The following CD2AP variants were observed in gnomAD, a reference collection of about 807,000 sequenced individuals.
CD2AP encodes CD2 associated protein.
A neutral mutation model predicts 85.1 loss-of-function variants in CD2AP; 46 were observed. The observed-to-expected ratio is 0.54, with a 90% confidence interval of 0.43 to 0.69. CD2AP has a LOEUF of 0.69. CD2AP is among the 30% of genes least tolerant of loss of function. The probability of loss-of-function intolerance (pLI) is 0.00; values close to 1 mark genes in which losing one functional copy is unlikely to be tolerated. For missense variants in CD2AP, 769 were observed against 729.5 expected (o/e 1.05, Z -0.62); for synonymous variants, 255 against 252.9 (o/e 1.01, Z -0.08).
At chr6:47,518,895 C>T (rs1766515317) in intron 2 of CD2AP, among the ~76,000 whole-genome samples, 1 of 151,626 alleles carries the variant, frequency 6.6e-6, no homozygotes, top group South Asian at 2.1e-4. Context: ...CAGGTAGCCT[C>T]TGTTGTGGTA....
intron 1 of CD2AP, among the ~76,000 whole-genome samples, chr6:47,501,640 G>C (rs1208111451): frequency 6.6e-6 from 1 of 151,786 alleles, no homozygotes; most frequent in Admixed American, 6.6e-5. Context: ...TGGTGGTGGT[G>C]GTTGTGATTG....
intron 12 of CD2AP, among the ~76,000 whole-genome samples, chr6:47,597,606 C>A (rs1562050068): frequency 6.6e-6 from 1 of 150,796 alleles, no homozygotes; most frequent in Non-Finnish European, 1.5e-5. Context: ...GTGCCAGGAA[C>A]TTGACTTGAG....
At chr6:47,536,680 G>C (rs1184174692) in intron 3 of CD2AP, among the ~76,000 whole-genome samples, 4 of 152,036 alleles carry the variant, frequency 2.6e-5, no homozygotes, top group Non-Finnish European at 5.9e-5. Context: ...ATTTTTTTTA[G>C]AGCAAACATG....
chr6:47,577,327 T>G (rs527955338), intron 8 of CD2AP, among the ~76,000 whole-genome samples: 1 of 152,284 alleles, frequency 6.6e-6, no homozygotes, highest in East Asian at 1.9e-4. Flanking sequence ...ATTTACATAT[T>G]GGGAATTATT....
chr6:47,505,725 T>C (rs1766136159), intron 2 of CD2AP, among the ~76,000 whole-genome samples: 3 of 56,888 alleles, frequency 5.3e-5, no homozygotes, highest in Non-Finnish European at 1.2e-4. Context: ...GCTGAGGGGC[T>C]CCTCACTTCC....
At chr6:47,574,272 A>C in intron 6 of CD2AP, 21 bp downstream of exon 6, 1 of 1,592,202 alleles carries the variant, frequency 6.3e-7, no homozygotes, top group South Asian at 1.1e-5. Flanking sequence ...TGGACTTGTT[A>C]GATTAACTCC....
intron 5 of CD2AP, among the ~76,000 whole-genome samples, chr6:47,571,412 A>G (rs1768149111): frequency 6.6e-6 from 1 of 152,196 alleles, no homozygotes; most frequent in South Asian, 2.1e-4. Context: ...GGAGAGCTCT[A>G]CCATTGTCCT....
intron 13 of CD2AP, among the ~76,000 whole-genome samples, chr6:47,605,300 C>A (rs534185876): frequency 1.3e-5 from 2 of 151,984 alleles, no homozygotes; most frequent in South Asian, 4.1e-4. Context: ...CTTTTGGGTT[C>A]TTGATTCATA....
intron 10 of CD2AP, 130 bp from the exon 11 acceptor site, chr6:47,581,873 A>G (rs538662239): frequency 4.5e-6 from 3 of 671,324 alleles, no homozygotes; most frequent in Non-Finnish European, 8.2e-6. Context: ...ATTCCGGTAC[A>G]TTGTTCTTTC....
intron 1 of CD2AP, among the ~76,000 whole-genome samples, chr6:47,500,737 AT>A (rs756083477): frequency 4.1e-5 from 6 of 147,130 alleles, no homozygotes; most frequent in Non-Finnish European, 8.9e-5. Flanking sequence ...GCAGGAGGCC[AT>A]TCCTTCCTTG....
At chr6:47,598,035 C>T (rs1411170575) in intron 12 of CD2AP, among the ~76,000 whole-genome samples, 2 of 150,886 alleles carry the variant, frequency 1.3e-5, no homozygotes, top group East Asian at 3.9e-4. Context: ...TTTAAAACAT[C>T]ACCAATAAAC....
intron 3 of CD2AP, among the ~76,000 whole-genome samples, 192 bp downstream of exon 3, chr6:47,533,947 C>G (rs1412705804): frequency 1.3e-5 from 2 of 152,170 alleles, no homozygotes; most frequent in East Asian, 3.8e-4. Context: ...AATAACAAAT[C>G]AATATCATTA....
At chr6:47,605,776 C>G (rs1329693216) in intron 13 of CD2AP, among the ~76,000 whole-genome samples, 1 of 151,894 alleles carries the variant, frequency 6.6e-6, no homozygotes, top group Non-Finnish European at 1.5e-5. Flanking sequence ...TGCTGATTTT[C>G]CGAGATCTTT....
At chr6:47,589,434 A>G (rs1015366445) in intron 11 of CD2AP, among the ~76,000 whole-genome samples, 3 of 151,346 alleles carry the variant, frequency 2.0e-5, no homozygotes, top group African/African-American at 7.3e-5. Flanking sequence ...AAATATACAC[A>G]CATACACACA....
chr6:47,503,664 A>G (rs1766056941), intron 2 of CD2AP, among the ~76,000 whole-genome samples: 2 of 152,148 alleles, frequency 1.3e-5, no homozygotes, highest in South Asian at 2.1e-4. Flanking sequence ...ATGCTTGTAT[A>G]TGGTTGTGTG....
At chr6:47,599,104 A>G (rs1769032945) in intron 12 of CD2AP, among the ~76,000 whole-genome samples, 197 bp from the exon 13 acceptor site, 1 of 139,468 alleles carries the variant, frequency 7.2e-6, no homozygotes, top group Non-Finnish European at 1.7e-5. Context: ...AATTTTCTAC[A>G]CTTAACTAAA....
chr6:47,545,535 G>A (rs887155500), intron 4 of CD2AP, among the ~76,000 whole-genome samples: 1 of 152,124 alleles, frequency 6.6e-6, no homozygotes, highest in African/African-American at 2.4e-5. Flanking sequence ...CTCCCAGCAG[G>A]AGACCAACCA....
chr6:47,544,849 C>A, intron 4 of CD2AP, 143 bp downstream of exon 4: 1 of 630,624 alleles, frequency 1.6e-6, no homozygotes, highest in Non-Finnish European at 2.8e-6. Flanking sequence ...CTTTACTCAT[C>A]CTTGCTGTAT....
Position 47,576,608 on chromosome 6 carries a change from T to C in CD2AP, c.808+6T>C, listed in dbSNP as rs760653572. ...TACCGAAGGTAAAATTAAAGGTATG[T>C]TTTTGAATAAAGCTTTCATATTGGG... On this transcript the variant is annotated splice_donor_region_variant and intron_variant, in intron 7 of 17. Coordinates refer to ENST00000359314, the MANE Select transcript of CD2AP (RefSeq NM_012120.3). 1.9e-6 allele frequency: 3 copies of C among 1,583,306 alleles called. No homozygotes were observed. Among genetic ancestry groups the C allele is most frequent in the Non-Finnish European group, 2.6e-6 (3 of 1,152,792 alleles).
Sources: gnomAD v4.1 joint callset for allele counts (sites outside exome capture counted in the v4.1 genomes callset) on GRCh38, gnomAD v4.1.1 for gene constraint, MANE v1.5 for transcripts, NCBI Gene and HGNC (gene_info 2026-07-23, HGNC 2026-07-21) for gene names.